Variants in AIMP1 observed in about 807,000 individuals in gnomAD.
AIMP1 encodes the protein aminoacyl tRNA synthetase complex interacting multifunctional protein 1.
A neutral mutation model predicts 33.1 loss-of-function variants in AIMP1; 24 were observed. That is an observed-to-expected ratio of 0.73 (90% confidence interval 0.53 to 1.02). The LOEUF is 1.02. Among genes scored for constraint, AIMP1 ranks in the 50% least tolerant of loss-of-function variants. The probability of loss-of-function intolerance (pLI) is 0.00; values close to 1 mark genes in which losing one functional copy is unlikely to be tolerated. For missense variants in AIMP1, 367 were observed against 364.8 expected (o/e 1.01, Z -0.05); for synonymous variants, 120 against 121.5 (o/e 0.99, Z 0.08).
chr4:106,316,483 C>A, upstream of AIMP1: 1 of 1,498,800 alleles, frequency 6.7e-7, no homozygotes, highest in Non-Finnish European at 9.1e-7. Context: ...AACACTCAGG[C>A]TTTCAGCAAG....
chr4:106,317,083 G>C (rs75462827), intron 1 of AIMP1, among the ~76,000 whole-genome samples: 3 of 152,196 alleles, frequency 2.0e-5, no homozygotes, highest in African/African-American at 7.2e-5. Context: ...GAAACATACT[G>C]TATTTTAGGT....
Position 106,347,721 on chromosome 4 carries a change from G to A in AIMP1, c.*29G>A, listed in dbSNP as rs369486213. ...GCTTCCACTACCAAAAGACATTAGA[G>A]AAAACCTTAAAAGTAATAAAGAGAA... is the stretch of plus-strand genomic sequence containing the variant. On this transcript the variant is annotated 3_prime_UTR_variant, in exon 7 of 7. Coordinates refer to ENST00000672341, the MANE Select transcript of AIMP1 (RefSeq NM_001142416.2). 94 of 1,603,868 alleles carry A rather than the reference G, an allele frequency of 5.9e-5. No homozygotes were observed. In the African/African-American group the frequency reaches 1.1e-3, roughly 19 times the overall value.
At position 106,327,496 on chromosome 4, in the gene AIMP1, A is replaced by C; in HGVS notation, c.155A>C (p.Asn52Thr). ...LREEKKLRVE[N>T]AKLKKEIEEL... ...GAAGAGAAGAAACTTCGAGTTGAAA[A>C]TGCTAAACTGAAGAAAGAAATTGAA... The change falls in exon 3 of 7, where the codon AAT (asparagine) becomes ACT (threonine). Residue 52 changes from asparagine to threonine, a missense_variant. Coordinates refer to ENST00000672341, the MANE Select transcript of AIMP1 (RefSeq NM_001142416.2). 6.2e-7 allele frequency: 1 copy of C among 1,613,200 alleles called. No individual in the cohort carries two copies. Among genetic ancestry groups the C allele is most frequent in the South Asian group, 1.1e-5 (1 of 91,046 alleles).
chr4:106,347,470 T>C (rs895879121), intron 6 of AIMP1, 56 bp from the exon 7 acceptor site: 4 of 1,516,786 alleles, frequency 2.6e-6, no homozygotes, highest in Non-Finnish European at 3.6e-6. Flanking sequence ...ATAGTCTCTT[T>C]AATATTTTTG....
rs148837477 is a variant in AIMP1, at chr4:106,329,353, G to A, written c.391+1110G>A. Among the ~76,000 whole-genome samples the A allele has an allele frequency of 9.2e-5, 14 of 152,310 alleles. No homozygotes were observed. The East Asian group carries it at 2.7e-3, about 29-fold the overall frequency. ...TTCTATTCTCTAAGGAGGGTGCACT[G>A]TTCTGACTCAGGATTAATCAGTCTT... On this transcript the variant is annotated intron_variant, in intron 4 of 6. Coordinates refer to ENST00000672341, the MANE Select transcript of AIMP1 (RefSeq NM_001142416.2).
At chr4:106,345,825 TAAG>T (rs1169116820) in intron 6 of AIMP1, among the ~76,000 whole-genome samples, 1 of 149,536 alleles carries the variant, frequency 6.7e-6, no homozygotes, top group Admixed American at 6.7e-5. Flanking sequence ...TTTTATATAA[TAAG>T]ATGTCATCAG....
At chr4:106,316,687 C>A in intron 1 of AIMP1, 93 bp downstream of exon 1, 1 of 1,249,334 alleles carries the variant, frequency 8.0e-7, no homozygotes, top group African/African-American at 1.5e-5. Flanking sequence ...GAGAGAGGAC[C>A]TGGCCTGCGC....
At chr4:106,338,040 G>A (rs1412127788) in intron 6 of AIMP1, among the ~76,000 whole-genome samples, 1 of 152,188 alleles carries the variant, frequency 6.6e-6, no homozygotes, top group African/African-American at 2.4e-5. Flanking sequence ...AGGGTATCTG[G>A]CAGAAGAAAT....
intron 4 of AIMP1, among the ~76,000 whole-genome samples, chr4:106,330,617 T>C (rs1211155329): frequency 1.3e-5 from 2 of 152,246 alleles, no homozygotes; most frequent in Non-Finnish European, 2.9e-5. Flanking sequence ...GTGTATGTCA[T>C]GTTTATCACA....
At chr4:106,337,548 T>A (rs1390998712) in intron 6 of AIMP1, among the ~76,000 whole-genome samples, 1 of 152,202 alleles carries the variant, frequency 6.6e-6, no homozygotes, top group African/African-American at 2.4e-5. Context: ...GAACTGTTGG[T>A]CAATTAAACC....
chr4:106,347,845 T>C lies in AIMP1; in HGVS notation c.*153T>C, dbSNP rs1368393541. ...TTTACTTGGTATATATTGTTTTCAT[T>C]GATTGGGGAAACACTAGATTTTTAC... On this transcript the variant is annotated 3_prime_UTR_variant, in exon 7 of 7. Transcript: ENST00000672341. 6 of 725,118 alleles carry C rather than the reference T, an allele frequency of 8.3e-6. No homozygotes were observed. The highest frequency in any genetic ancestry group is 1.3e-5 in the Non-Finnish European group (6 of 469,414). 44.9% of individuals were successfully genotyped at this position (725,118 alleles called of 1,614,324 possible). A position where few individuals can be genotyped will look rare whatever the true frequency, so the allele number is the denominator to read the frequency against.
chr4:106,322,566 C>T (rs1293952410), intron 1 of AIMP1, among the ~76,000 whole-genome samples: 4 of 152,198 alleles, frequency 2.6e-5, no homozygotes, highest in Non-Finnish European at 5.9e-5. Context: ...CACTTGAGCA[C>T]AGTTCTGTTA....
intron 1 of AIMP1, among the ~76,000 whole-genome samples, chr4:106,320,016 C>T (rs1163990748): frequency 6.6e-6 from 1 of 152,174 alleles, no homozygotes; most frequent in Non-Finnish European, 1.5e-5. Context: ...GAGATTATTA[C>T]AGTATTCGAA....
chr4:106,328,693 C>T (rs1769551364), intron 4 of AIMP1, among the ~76,000 whole-genome samples: 1 of 152,128 alleles, frequency 6.6e-6, no homozygotes, highest in South Asian at 2.1e-4. Context: ...ATAGAAATGT[C>T]ACCATCCACT....
rs1194071576 is a variant in AIMP1 at position 106,348,565 on chromosome 4, CTT to C, written c.*874_*875del. ...TATTAAAAGAAATTACAGCCTAAAA[CTT>C]AACATATACCATACATATATATTAA... is the stretch of plus-strand genomic sequence containing the variant. On this transcript the variant is annotated 3_prime_UTR_variant, in exon 7 of 7. Transcript: ENST00000672341. 6.6e-6 allele frequency: 1 copy of C among 152,022 alleles called. No individual in the cohort carries two copies. Among genetic ancestry groups the C allele is most frequent in the Non-Finnish European group, 1.5e-5 (1 of 68,002 alleles). The allele number at this position is 152,022 out of a possible 1,614,324, so 9.4% of individuals were successfully genotyped here. A position where few individuals can be genotyped will look rare whatever the true frequency, so the allele number is the denominator to read the frequency against.
chr4:106,327,620 A>G, intron 3 of AIMP1, 56 bp downstream of exon 3: 1 of 1,259,592 alleles, frequency 7.9e-7, no homozygotes, highest in Admixed American at 1.8e-5. Context: ...GGCCAGTCAC[A>G]CCAACAGTGA....
intron 6 of AIMP1, among the ~76,000 whole-genome samples, chr4:106,346,359 T>TA (rs1474233718): frequency 1.3e-5 from 2 of 152,166 alleles, no homozygotes; most frequent in Non-Finnish European, 2.9e-5. Context: ...GTTTACTTTC[T>TA]AAAGTATGGT....
At chr4:106,336,007 T>C (rs970796775) in intron 5 of AIMP1, among the ~76,000 whole-genome samples, 2 of 149,934 alleles carry the variant, frequency 1.3e-5, no homozygotes, top group African/African-American at 2.4e-5. Flanking sequence ...GCATGATGCA[T>C]GATGCTGAAA....
chr4:106,321,092 G>C (rs1207096943), intron 1 of AIMP1, among the ~76,000 whole-genome samples: 2 of 152,138 alleles, frequency 1.3e-5, no homozygotes, highest in African/African-American at 4.8e-5. Context: ...ATCTTGGCTC[G>C]CTACAACCTC....
Sources: gnomAD v4.1 joint callset for allele counts (sites outside exome capture counted in the v4.1 genomes callset) on GRCh38, gnomAD v4.1.1 for gene constraint, MANE v1.5 for transcripts, NCBI Gene and HGNC (gene_info 2026-07-23, HGNC 2026-07-21) for gene names.